Variants in RGS3 observed in about 807,000 individuals in gnomAD.
RGS3 encodes the protein regulator of G-protein signalling 3.
A neutral mutation model predicts 132.6 loss-of-function variants in RGS3; 80 were observed. The observed-to-expected ratio is 0.60, with a 90% confidence interval of 0.50 to 0.73. The LOEUF (loss-of-function observed/expected upper bound fraction) is 0.73, where lower values mean the gene tolerates loss of function less well. Ranked by LOEUF, RGS3 falls within the 30% of genes least tolerant of loss-of-function variation. The pLI is 0.00. For missense variants in RGS3, 1,382 were observed against 1,530.8 expected, an observed-to-expected ratio of 0.90 and a Z score of 1.62; for synonymous variants, 598 against 620.6, an observed-to-expected ratio of 0.96 and a Z score of 0.54.
chr9:113,573,632 C>T (rs534802329), intron 19 of RGS3, among the ~76,000 whole-genome samples: 1 of 152,336 alleles, frequency 6.6e-6, no homozygotes, highest in Non-Finnish European at 1.5e-5. Context: ...AGAGAAGCCA[C>T]ACGCTTCTAG....
chr9:113,506,401 A>AAC lies in RGS3; in HGVS notation c.993_994insAC (p.Arg332ThrfsTer14). On this transcript the variant is annotated frameshift_variant, in exon 12 of 25. Coordinates refer to ENST00000350696, the Ensembl canonical transcript of RGS3. LOFTEE classifies it high-confidence loss of function. This position sits in a 1 kb window ranked among gnomAD's most constrained non-coding sequence, Gnocchi z 4.7. ...TTGTCCCTGCAGGGGGTCCGGCGGA[A>AAC]CGGGCAGGGCTGCAGCAGCTGGACA... 6.3e-7 allele frequency: 1 copy of AAC among 1,589,532 alleles called. No homozygotes were observed.
Position 113,461,862 on chromosome 9 carries a change from T to C in RGS3, c.234+2T>C. 6.2e-7 allele frequency: 1 copy of C among 1,612,830 alleles called. No individual in the cohort carries two copies. Among genetic ancestry groups the C allele is most frequent in the South Asian group, 1.1e-5 (1 of 90,920 alleles). On this transcript the variant is annotated splice_donor_variant, in intron 2 of 24. Coordinates refer to ENST00000350696, the Ensembl canonical transcript of RGS3. LOFTEE classifies it high-confidence loss of function. ...GGTCCCTGGCGAAGTTGTGAAGAGG[T>C]GACTATCATCTCAGGCACATCACCT...
At chr9:113,520,190 G>T (rs949691019) in intron 16 of RGS3, among the ~76,000 whole-genome samples, 2 of 152,200 alleles carry the variant, frequency 1.3e-5, no homozygotes, top group African/African-American at 2.4e-5. Flanking sequence ...GACCCCCGTG[G>T]CCTGTGGAAG....
chr9:113,456,197 A>G (rs1410859473), upstream of RGS3, among the ~76,000 whole-genome samples: 1 of 152,094 alleles, frequency 6.6e-6, no homozygotes, highest in Non-Finnish European at 1.5e-5. Flanking sequence ...GAGCTTTCTC[A>G]CATTAAACAT....
At chr9:113,504,609 G>T (rs533151637) in intron 10 of RGS3, among the ~76,000 whole-genome samples, 3 of 152,178 alleles carry the variant, frequency 2.0e-5, no homozygotes, top group African/African-American at 7.2e-5. Flanking sequence ...GTGTACCCTC[G>T]TGCTCCTCTG....
intron 17 of RGS3, among the ~76,000 whole-genome samples, chr9:113,526,490 C>G (rs1832216610): frequency 1.3e-5 from 2 of 152,186 alleles, no homozygotes; most frequent in Non-Finnish European, 2.9e-5. Flanking sequence ...GTCCTCACTT[C>G]AAAGCTCGGC....
In RGS3 at chr9:113,469,661, C is replaced by T. The variant is rs563153620; in HGVS notation, c.415+7460C>T. Among the ~76,000 whole-genome samples, 58 of 151,892 alleles carry T rather than the reference C, an allele frequency of 3.8e-4. 1 individual carries two copies. In the South Asian group the frequency reaches 5.2e-3, roughly 14 times the overall value. ...TTGAACATTTCTAGTATTTAGAAGA[C>T]GCATGTTGATAATGCAGTTTTTTTC... On this transcript the variant is annotated intron_variant, in intron 3 of 24. Transcript: ENST00000350696.
chr9:113,478,024 CTT>C (rs1830047530), intron 3 of RGS3, among the ~76,000 whole-genome samples: 1 of 152,336 alleles, frequency 6.6e-6, no homozygotes, highest in South Asian at 2.1e-4. Context: ...CCCTCTCTCT[CTT>C]CTCTGTCTTG....
chr9:113,565,004 C>G lies in RGS3; in HGVS notation c.2038-18446C>G. On this transcript the variant is annotated intron_variant, in intron 19 of 24. Coordinates refer to ENST00000350696, the Ensembl canonical transcript of RGS3. This position sits in a 1 kb window ranked among gnomAD's most constrained non-coding sequence, Gnocchi z 5.7. ...CCGGCTGGAGGCGGCTTTGCGCTGC[C>G]CCAGCCTGGGAGCCCTCAGGATGTG... 9.7e-7 allele frequency: 1 copy of G among 1,031,100 alleles called. No individual in the cohort carries two copies. Among genetic ancestry groups the G allele is most frequent in the Non-Finnish European group, 1.2e-6 (1 of 855,862 alleles). The allele number at this position is 1,031,100 out of a possible 1,614,324, so 63.9% of individuals were successfully genotyped here.
chr9:113,516,489 C>T (rs527569565), intron 15 of RGS3, among the ~76,000 whole-genome samples: 1 of 152,184 alleles, frequency 6.6e-6, no homozygotes, highest in South Asian at 2.1e-4. Context: ...TCCCAAGTAG[C>T]TGGGATTACA....
chr9:113,532,403 G>A (rs907679172), intron 18 of RGS3, among the ~76,000 whole-genome samples: 1 of 152,034 alleles, frequency 6.6e-6, no homozygotes, highest in Admixed American at 6.5e-5. Flanking sequence ...CAAAGCTTAG[G>A]TCTCCCGAAA....
chr9:113,524,907 G>A (rs1352723489), intron 17 of RGS3, among the ~76,000 whole-genome samples: 1 of 152,224 alleles, frequency 6.6e-6, no homozygotes, highest in Non-Finnish European at 1.5e-5. Context: ...CCTCCACTGG[G>A]TTGTGATGGT....
In RGS3 at chr9:113,563,825, TAGAC is replaced by T. The variant is rs551202465; in HGVS notation, c.2038-19622_2038-19619del. ...AGAGTCAGGAATACAGAGTCAGAGA[TAGAC>T]AGGGGCAGGGATACAGGCAGAAACA... On this transcript the variant is annotated intron_variant, in intron 19 of 24. Transcript: ENST00000350696. Among the ~76,000 whole-genome samples the T allele has an allele frequency of 2.8e-3, 430 of 152,188 alleles. 2 individuals are homozygous for T. Among genetic ancestry groups the T allele is most frequent in the African/African-American group, 9.9e-3 (410 of 41,508 alleles).
chr9:113,505,649 A>C, intron 11 of RGS3, 126 bp downstream of exon 9: 2 of 715,466 alleles, frequency 2.8e-6, no homozygotes, highest in Non-Finnish European at 4.9e-6. Context: ...TCAAAATGAA[A>C]AGAATAATAT....
intron 19 of RGS3, among the ~76,000 whole-genome samples, chr9:113,563,520 AT>A: frequency 6.6e-6 from 1 of 152,246 alleles, no homozygotes; most frequent in East Asian, 1.9e-4. Flanking sequence ...CTCATTGGTG[AT>A]TGTTTAGCTC....
chr9:113,569,293 G>A (rs544641237), intron 19 of RGS3, among the ~76,000 whole-genome samples: 3 of 152,296 alleles, frequency 2.0e-5, no homozygotes, highest in Admixed American at 6.5e-5. Flanking sequence ...GGTGGCAGAG[G>A]GTAAGGGAAC....
intron 19 of RGS3, among the ~76,000 whole-genome samples, chr9:113,574,632 G>T (rs1250200564): frequency 1.3e-5 from 2 of 152,258 alleles, no homozygotes; most frequent in Non-Finnish European, 2.9e-5. Flanking sequence ...CTGGGTCTTG[G>T]CAGGGGAGCA....
chr9:113,473,777 A>C (rs1300294131), intron 3 of RGS3, among the ~76,000 whole-genome samples: 1 of 152,208 alleles, frequency 6.6e-6, no homozygotes, highest in Non-Finnish European at 1.5e-5. Flanking sequence ...GTGAGGAGTA[A>C]AAGAAATAAA....
exon 1 of RGS3, chr9:113,444,867 G>A (rs776054491): frequency 1.3e-5 from 2 of 152,224 alleles, no homozygotes; most frequent in African/African-American, 2.4e-5. Flanking sequence ...TGACTGAAGG[G>A]GAGGAGTACT....
Sources: allele counts gnomAD v4.1 joint callset (sites outside exome capture counted in the v4.1 genomes callset), GRCh38; gene constraint gnomAD v4.1.1; non-coding constraint Gnocchi (gnomAD v3.1); transcripts MANE v1.5; gene names NCBI Gene and HGNC (gene_info 2026-07-23, HGNC 2026-07-21).